Variants in TTLL11 observed in about 807,000 individuals in gnomAD.
TTLL11 encodes tubulin polyglutamylase TTLL11.
In TTLL11, 42 loss-of-function variants were observed where a neutral mutation model predicts 51.7. The observed-to-expected ratio is 0.81, with a 90% CI of 0.64 to 1.05. The LOEUF (loss-of-function observed/expected upper bound fraction) is 1.05, where lower values mean the gene tolerates loss of function less well. Ranked by LOEUF, TTLL11 falls within the 50% of genes least tolerant of loss-of-function variation. The pLI is 0.00. For synonymous variants in TTLL11, 381 were observed against 383.5 expected, an observed-to-expected ratio of 0.99 and a Z score of 0.08; for missense variants, 799 against 940.4, an observed-to-expected ratio of 0.85 and a Z score of 1.97.
chr9:121,872,927 T>C (rs1838407711), intron 6 of TTLL11, among the ~76,000 whole-genome samples: 1 of 152,212 alleles, frequency 6.6e-6, no homozygotes, highest in African/African-American at 2.4e-5. Context: ...CACCTTGAAC[T>C]TAAGACAGTA....
chr9:121,824,964 C>A (rs1836704144), intron 8 of TTLL11, among the ~76,000 whole-genome samples: 1 of 152,224 alleles, frequency 6.6e-6, no homozygotes, highest in African/African-American at 2.4e-5. Flanking sequence ...TATAGTCCAT[C>A]AGAGCTCTTG....
chr9:121,879,464 C>T (rs1368970246), intron 6 of TTLL11, among the ~76,000 whole-genome samples: 2 of 152,140 alleles, frequency 1.3e-5, no homozygotes, highest in African/African-American at 4.8e-5. Flanking sequence ...TGAAGTAATG[C>T]GTGAGAGAGA....
intron 6 of TTLL11, among the ~76,000 whole-genome samples, chr9:121,910,597 C>T (rs1388121173): frequency 6.6e-6 from 1 of 152,156 alleles, no homozygotes; most frequent in African/African-American, 2.4e-5. Flanking sequence ...ACACATTCAT[C>T]ATTAAAACAA....
intron 4 of TTLL11, among the ~76,000 whole-genome samples, chr9:121,985,513 CTT>C (rs71371908): frequency 7.0e-4 from 68 of 97,270 alleles, no homozygotes; most frequent in African/African-American, 2.1e-3. Flanking sequence ...ATTTTCTTTT[CTT>C]TTTTTTTTTT....
chr9:121,964,400 C>A (rs532794101), intron 6 of TTLL11, among the ~76,000 whole-genome samples: 2 of 151,992 alleles, frequency 1.3e-5, no homozygotes, highest in East Asian at 3.9e-4. Flanking sequence ...TGGGTTCAAG[C>A]GATTCTCCTG....
chr9:121,895,637 TTA>T (rs1163447430), intron 6 of TTLL11, among the ~76,000 whole-genome samples: 1 of 148,996 alleles, frequency 6.7e-6, no homozygotes, highest in Non-Finnish European at 1.5e-5. Context: ...TCATGTGTGC[TTA>T]TGAGTGTGTG....
At chr9:121,885,726 CTTTCTTTCT>C (rs1415720495) in intron 6 of TTLL11, among the ~76,000 whole-genome samples, 1 of 152,132 alleles carries the variant, frequency 6.6e-6, no homozygotes, top group Non-Finnish European at 1.5e-5. Flanking sequence ...AACTCTTTTT[CTTTCTTTCT>C]TTTCTTTCTT....
chr9:122,026,829 T>C (rs949199646), intron 3 of TTLL11, among the ~76,000 whole-genome samples: 7 of 151,844 alleles, frequency 4.6e-5, no homozygotes, highest in Non-Finnish European at 5.9e-5. Flanking sequence ...GCAACATCAC[T>C]TTCATGGTGT....
intron 1 of TTLL11, among the ~76,000 whole-genome samples, chr9:122,068,693 T>C (rs573659856): frequency 1.3e-5 from 2 of 152,310 alleles, no homozygotes; most frequent in African/African-American, 4.8e-5. Flanking sequence ...CTGCGCTTTT[T>C]CTACACTGCA....
At chr9:121,865,535 C>A (rs1330291930) in intron 7 of TTLL11, among the ~76,000 whole-genome samples, 1 of 152,154 alleles carries the variant, frequency 6.6e-6, no homozygotes, top group East Asian at 1.9e-4. Flanking sequence ...TGATGTGGGA[C>A]ACATTTGTAA....
At chr9:121,871,348 C>T (rs1479194134) in intron 6 of TTLL11, among the ~76,000 whole-genome samples, 3 of 152,028 alleles carry the variant, frequency 2.0e-5, no homozygotes, top group Non-Finnish European at 4.4e-5. Context: ...CTTAAATATC[C>T]ACCTCTAGCA....
rs75515272 is a variant in TTLL11 at position 121,940,826 on chromosome 9, T to C, written c.1481+33183A>G. On this transcript the variant is annotated intron_variant, in intron 6 of 8. Coordinates refer to ENST00000321582, the MANE Select transcript of TTLL11 (RefSeq NM_001139442.2). ...TTCTATTTCATATAAACTGGAAATA[T>C]AATTTTAATTAGATTACTAACTTCT... 6.9e-3 allele frequency among the ~76,000 whole-genome samples: 1,052 copies of C among 152,350 alleles called. 11 individuals are homozygous for C. The highest frequency in any genetic ancestry group is 0.022 in the African/African-American group (910 of 41,576).
intron 1 of TTLL11, among the ~76,000 whole-genome samples, chr9:122,041,119 C>T (rs756849998): frequency 6.6e-5 from 10 of 152,142 alleles, no homozygotes. Context: ...AATTGCCCCC[C>T]CTTTTAGAGG....
At chr9:121,944,859 C>T (rs1008386367) in intron 6 of TTLL11, among the ~76,000 whole-genome samples, 4 of 152,094 alleles carry the variant, frequency 2.6e-5, no homozygotes, top group Admixed American at 6.5e-5. Flanking sequence ...CGTGAGAAAT[C>T]GACAAGATAA....
intron 3 of TTLL11, among the ~76,000 whole-genome samples, chr9:122,017,315 T>C (rs1360164893): frequency 2.0e-5 from 3 of 152,122 alleles, no homozygotes; most frequent in East Asian, 1.9e-4. Flanking sequence ...CAATGCATTA[T>C]ATTCTTTAGT....
chr9:121,868,496 T>C (rs1289687237), intron 7 of TTLL11, among the ~76,000 whole-genome samples: 2 of 152,180 alleles, frequency 1.3e-5, no homozygotes, highest in East Asian at 3.8e-4. Flanking sequence ...GGAGGCCTTT[T>C]TTCTTCCTCC....
At chr9:121,945,476 C>T (rs1841629676) in intron 6 of TTLL11, among the ~76,000 whole-genome samples, 1 of 152,140 alleles carries the variant, frequency 6.6e-6, no homozygotes, top group Non-Finnish European at 1.5e-5. Flanking sequence ...ATGCTCTTAC[C>T]CACCCACTGA....
intron 6 of TTLL11, among the ~76,000 whole-genome samples, chr9:121,915,499 T>G (rs1000646422): frequency 6.6e-6 from 1 of 152,230 alleles, no homozygotes; most frequent in Non-Finnish European, 1.5e-5. Flanking sequence ...CACATCGTAT[T>G]CTAATTGCTT....
chr9:121,892,087 GATA>G (rs890660719), intron 6 of TTLL11, among the ~76,000 whole-genome samples: 6 of 146,322 alleles, frequency 4.1e-5, no homozygotes, highest in African/African-American at 1.2e-4. Context: ...ATGTAGTGAT[GATA>G]ATATCTATCA....
Sources: allele counts gnomAD v4.1 joint callset (sites outside exome capture counted in the v4.1 genomes callset), GRCh38; gene constraint gnomAD v4.1.1; transcripts MANE v1.5; gene names NCBI Gene and HGNC (gene_info 2026-07-23, HGNC 2026-07-21).